SPATS2: variants seen among roughly 807,000 people sequenced by gnomAD.
SPATS2 encodes the protein spermatogenesis associated serine rich 2.
SPATS2 carries 38 observed loss-of-function variants against 63.7 expected under a neutral mutation model. The ratio of observed to expected loss-of-function variants is 0.60; its 90% CI spans 0.46 to 0.78. SPATS2 has a LOEUF of 0.78. Among genes scored for constraint, SPATS2 ranks in the 30% least tolerant of loss-of-function variants. The pLI, the probability that SPATS2 is intolerant of heterozygous loss-of-function variation, is 0.00. For synonymous variants in SPATS2, 207 were observed against 232.9 expected, an observed-to-expected ratio of 0.89 and a Z score of 1.01; for missense variants, 588 against 666.2, an observed-to-expected ratio of 0.88 and a Z score of 1.29.
At chr12:49,464,081 A>G (rs989396079) in intron 3 of SPATS2, among the ~76,000 whole-genome samples, 2 of 152,234 alleles carry the variant, frequency 1.3e-5, no homozygotes, top group Non-Finnish European at 2.9e-5. Context: ...CAGTGTGGCA[A>G]CATCTAAGCC....
At chr12:49,519,924 C>T (rs1297454640) in intron 11 of SPATS2, among the ~76,000 whole-genome samples, 1 of 151,788 alleles carries the variant, frequency 6.6e-6, no homozygotes, top group African/African-American at 2.4e-5. Context: ...AAGCAATTCT[C>T]CTGCTCCAGC....
chr12:49,477,258 A>G (rs1389140506), intron 3 of SPATS2, among the ~76,000 whole-genome samples: 1 of 152,194 alleles, frequency 6.6e-6, no homozygotes, highest in African/African-American at 2.4e-5. Context: ...ATCAAGCTCT[A>G]CCTGGAAAAT....
At chr12:49,402,396 T>A (rs1296920887) in intron 2 of SPATS2, among the ~76,000 whole-genome samples, 2 of 151,954 alleles carry the variant, frequency 1.3e-5, no homozygotes, top group Non-Finnish European at 2.9e-5. Context: ...GTCAAAGGAT[T>A]TTTAGAGTTA....
At chr12:49,367,836 AGTGTGGGGGGGACTCTGGCGTGAGC>A (rs1471157625) in intron 1 of SPATS2, among the ~76,000 whole-genome samples, 1 of 127,924 alleles carries the variant, frequency 7.8e-6, no homozygotes, top group African/African-American at 3.1e-5. Context: ...GAAACAATGG[AGTGTGGGGGGGACTCTGGCGTGAGC>A]GTGTGTGGGG....
intron 4 of SPATS2, 65 bp downstream of exon 4, chr12:49,484,734 T>C: frequency 7.2e-7 from 1 of 1,395,352 alleles, no homozygotes; most frequent in Non-Finnish European, 1.0e-6. Flanking sequence ...CTAATACGAC[T>C]AGTGGCTACC....
At chr12:49,434,229 T>C (rs1174781569) in intron 2 of SPATS2, among the ~76,000 whole-genome samples, 10 of 152,224 alleles carry the variant, frequency 6.6e-5, no homozygotes, top group African/African-American at 2.2e-4. Context: ...TCCAACTCCT[T>C]GTTTTTCTTT....
Position 49,460,986 on chromosome 12 carries a change from A to T in SPATS2, c.-27A>T, listed in dbSNP as rs1158332436. 1.2e-6 allele frequency: 2 copies of T among 1,613,294 alleles called. No individual in the cohort carries two copies. Among genetic ancestry groups the T allele is most frequent in the African/African-American group, 2.7e-5 (2 of 74,924 alleles). On this transcript the variant is annotated 5_prime_UTR_variant, in exon 3 of 14. Coordinates refer to ENST00000552918, the MANE Select transcript of SPATS2 (RefSeq NM_023071.4). ...CAAGGCAAAAGGATACTTTTCTTGT[A>T]TATTTTTTGAGATCGAAGAAACGAC... is the stretch of plus-strand genomic sequence containing the variant.
chr12:49,475,463 C>T (rs1307430662), intron 3 of SPATS2, among the ~76,000 whole-genome samples: 6 of 151,624 alleles, frequency 4.0e-5, no homozygotes, highest in Admixed American at 2.0e-4. Context: ...TGTTTTGAGA[C>T]GGAGTCTTGC....
chr12:49,376,594 G>A (rs1256362835), intron 2 of SPATS2, among the ~76,000 whole-genome samples: 1 of 151,306 alleles, frequency 6.6e-6, no homozygotes, highest in African/African-American at 2.4e-5. Context: ...ACAGGGTCTT[G>A]CTATGTTTCC....
chr12:49,422,597 A>G (rs185089810), intron 2 of SPATS2, among the ~76,000 whole-genome samples: 3 of 152,300 alleles, frequency 2.0e-5, no homozygotes, highest in Admixed American at 6.5e-5. Context: ...CCTGGCCTAT[A>G]GTAAGCATTC....
intron 2 of SPATS2, among the ~76,000 whole-genome samples, chr12:49,448,311 T>C (rs1592406528): frequency 6.6e-6 from 1 of 151,958 alleles, no homozygotes; most frequent in East Asian, 1.9e-4. Context: ...CTAATTTTTT[T>C]TGTATTTTTA....
At chr12:49,371,645 A>G (rs1447219124) in intron 2 of SPATS2, among the ~76,000 whole-genome samples, 1 of 152,174 alleles carries the variant, frequency 6.6e-6, no homozygotes, top group Non-Finnish European at 1.5e-5. Flanking sequence ...CAGGCTGTAC[A>G]GGAAGCATAG....
chr12:49,447,365 A>G (rs1169268709), intron 2 of SPATS2, among the ~76,000 whole-genome samples: 2 of 152,102 alleles, frequency 1.3e-5, no homozygotes, highest in Non-Finnish European at 2.9e-5. Flanking sequence ...CAGCCTCCCA[A>G]GTAGCTGGGA....
chr12:49,389,603 A>T, intron 2 of SPATS2: 1 of 1,109,692 alleles, frequency 9.0e-7, no homozygotes, highest in Non-Finnish European at 1.4e-6. Flanking sequence ...AGAAACTCTG[A>T]TTGAGCAAAC....
At chr12:49,443,320 A>T (rs988928582) in intron 2 of SPATS2, among the ~76,000 whole-genome samples, 10 of 152,176 alleles carry the variant, frequency 6.6e-5, no homozygotes, top group Non-Finnish European at 1.2e-4. Context: ...TCCCAGCACC[A>T]TTTGTTGAAA....
At chr12:49,378,266 T>G (rs1010424217) in intron 2 of SPATS2, among the ~76,000 whole-genome samples, 2 of 126,834 alleles carry the variant, frequency 1.6e-5, no homozygotes, top group African/African-American at 6.0e-5. Context: ...TTAATGTTTA[T>G]TTTATTTTAT....
At chr12:49,454,252 A>G (rs1945678793) in intron 2 of SPATS2, 1 of 152,302 alleles carries the variant, frequency 6.6e-6, no homozygotes, top group Non-Finnish European at 1.5e-5. Context: ...CTCTGCTTCC[A>G]AGTACTCCTG....
intron 2 of SPATS2, chr12:49,389,997 C>T: frequency 1.2e-6 from 1 of 846,514 alleles, no homozygotes; most frequent in Non-Finnish European, 2.1e-6. Context: ...AACAGGATTG[C>T]AAGGAACAAG....
chr12:49,403,543 G>C (rs1172786350), intron 2 of SPATS2, among the ~76,000 whole-genome samples: 1 of 149,708 alleles, frequency 6.7e-6, no homozygotes. Flanking sequence ...CATGAGAATC[G>C]CTTGAATCCA....
Sources: gnomAD v4.1 joint callset for allele counts (sites outside exome capture counted in the v4.1 genomes callset) on GRCh38, gnomAD v4.1.1 for gene constraint, MANE v1.5 for transcripts, NCBI Gene and HGNC (gene_info 2026-07-23, HGNC 2026-07-21) for gene names.